Variants in ARHGEF17 observed in about 807,000 individuals in gnomAD.
ARHGEF17 encodes 164 kDa Rho-specific guanine-nucleotide exchange factor.
A neutral mutation model predicts 174.0 loss-of-function variants in ARHGEF17; 80 were observed. That is an observed-to-expected ratio of 0.46 (90% CI 0.38 to 0.55). The LOEUF is 0.55. Ranked by LOEUF, ARHGEF17 falls within the 20% of genes least tolerant of loss-of-function variation. ARHGEF17 has a pLI of 0.00. For missense variants in ARHGEF17, 2,886 were observed against 2,839.7 expected, an observed-to-expected ratio of 1.02 and a Z score of -0.37; for synonymous variants, 1,311 against 1,189.1, an observed-to-expected ratio of 1.10 and a Z score of -2.11.
chr11:73,361,974 A>G (rs1865746524), intron 12 of ARHGEF17, 66 bp from the exon 13 acceptor site: 3 of 1,564,696 alleles, frequency 1.9e-6, no homozygotes, highest in African/African-American at 1.4e-5. Context: ...GGGGTTTCCC[A>G]GGAGTGGGGA....
chr11:73,308,881 G>A lies in ARHGEF17; in HGVS notation c.243G>A (p.Ser81=). The A allele has an allele frequency of 2.2e-6, 3 of 1,357,438 alleles. No homozygotes were observed. The highest frequency in any genetic ancestry group is 2.6e-4 in the Middle Eastern group (1 of 3,790). 84.1% of individuals were successfully genotyped at this position (1,357,438 alleles called of 1,614,324 possible). Residue 81 remains serine (S), a synonymous_variant, in exon 1 of 21, where the codon TCG becomes TCA. Coordinates refer to ENST00000263674, the MANE Select transcript of ARHGEF17 (RefSeq NM_014786.4). ...GCCCGCTCCGCAGCCTCTCGCCGTC[G>A]GTTCGCCAGCTCTCCCGGCGCTTCG... The part of the protein sequence containing the change: ...QPRPLRSLSP[S]VRQLSRRFDA...
intron 18 of ARHGEF17, 67 bp downstream of exon 18, chr11:73,364,667 G>T (rs1865807148): frequency 3.2e-6 from 5 of 1,543,760 alleles, no homozygotes; most frequent in Middle Eastern, 2.3e-4. Context: ...CAGGGAGATG[G>T]AGACCATGGT....
At chr11:73,336,467 T>C (rs1865288594) in intron 1 of ARHGEF17, among the ~76,000 whole-genome samples, 1 of 151,980 alleles carries the variant, frequency 6.6e-6, no homozygotes, top group Non-Finnish European at 1.5e-5. Context: ...ACCAGCAAGG[T>C]TCAGCAGTTA....
intron 3 of ARHGEF17, among the ~76,000 whole-genome samples, chr11:73,354,231 T>G (rs1326886253): frequency 2.0e-5 from 3 of 152,182 alleles, no homozygotes; most frequent in African/African-American, 7.2e-5. Context: ...ACTCTCAGTG[T>G]CAGTAAGCTC....
At position 73,357,913 on chromosome 11, in the gene ARHGEF17, T is replaced by C. The variant is rs1355082404; in HGVS notation, c.4087+586T>C. On this transcript the variant is annotated intron_variant, in intron 9 of 20. Transcript: ENST00000263674. ...GATCAGACCCAGGCTGGCTCCTGGC[T>C]CAGCTGGAGGGGAGCTCACCTGGAG... Among the ~76,000 whole-genome samples the C allele has an allele frequency of 2.6e-5, 4 of 152,232 alleles. No individual in the cohort carries two copies. In the East Asian group the frequency reaches 7.7e-4, roughly 29 times the overall value.
chr11:73,321,989 GA>G (rs1046246442), intron 1 of ARHGEF17, among the ~76,000 whole-genome samples: 62 of 152,312 alleles, frequency 4.1e-4, no homozygotes, highest in Admixed American at 3.3e-4. Context: ...CGGGGAGGCA[GA>G]GTTCCTGGCT....
rs776221644 is a variant in ARHGEF17, at chr11:73,363,255, A to C, written c.5046A>C (p.Ser1682=). The change falls in exon 15 of 21, where the codon TCA becomes TCC. Residue 1682 remains serine, a synonymous_variant. Transcript: ENST00000263674. ...SKEATAETTS[S]EEEQEPGFLP... ...AGGCCACGGCAGAGACCACCAGCTC[A>C]GAGGAGGAGCAGGAGCCAGGCTTCC... is the stretch of plus-strand genomic sequence containing the variant. 5 of 1,607,638 alleles carry C rather than the reference A, an allele frequency of 3.1e-6. No homozygotes were observed. Among genetic ancestry groups the C allele is most frequent in the Non-Finnish European group, 4.3e-6 (5 of 1,176,092 alleles).
chr11:73,321,432 G>C (rs1049822384), intron 1 of ARHGEF17, among the ~76,000 whole-genome samples: 1 of 152,206 alleles, frequency 6.6e-6, no homozygotes, highest in African/African-American at 2.4e-5. Flanking sequence ...CTGTATGCCT[G>C]GTGGGCTTTG....
At chr11:73,344,161 G>A (rs1306055314) in intron 1 of ARHGEF17, among the ~76,000 whole-genome samples, 1 of 152,154 alleles carries the variant, frequency 6.6e-6, no homozygotes, top group Non-Finnish European at 1.5e-5. Flanking sequence ...CTGTGGGGAG[G>A]CTGGGTGTGA....
At chr11:73,329,359 A>ATTTTT (rs1865161040) in intron 1 of ARHGEF17, among the ~76,000 whole-genome samples, 1 of 2,700 alleles carries the variant, frequency 3.7e-4, no homozygotes, top group Non-Finnish European at 9.1e-4. Context: ...ATATATATAT[A>ATTTTT]TATATATATA....
At chr11:73,324,268 T>G (rs1232360428) in intron 1 of ARHGEF17, among the ~76,000 whole-genome samples, 1 of 152,132 alleles carries the variant, frequency 6.6e-6, no homozygotes, top group Non-Finnish European at 1.5e-5. Context: ...CAATGCTTGA[T>G]TCTGGTCGGG....
chr11:73,332,350 C>CGTGTGTGTGTGTGTGTGT (rs58725771), intron 1 of ARHGEF17, among the ~76,000 whole-genome samples: 16 of 120,748 alleles, frequency 1.3e-4, no homozygotes, highest in East Asian at 5.7e-4. Context: ...GCTTTTTCTC[C>CGTGTGTGTGTGTGTGTGT]GTGTGTGTGT....
At position 73,309,845 on chromosome 11, in the gene ARHGEF17, G is replaced by T; in HGVS notation, c.1207G>T (p.Asp403Tyr). 4 of 1,613,176 alleles carry T rather than the reference G, an allele frequency of 2.5e-6. No homozygotes were observed. Among genetic ancestry groups the T allele is most frequent in the Non-Finnish European group, 3.4e-6 (4 of 1,180,018 alleles). The change falls in exon 1 of 21, where the codon GAC (aspartate) becomes TAC (tyrosine). Residue 403 changes from aspartate to tyrosine, a missense_variant. Coordinates refer to ENST00000263674, the MANE Select transcript of ARHGEF17 (RefSeq NM_014786.4). ...CAGCACGGAGACCCTCAAGGACGAC[G>T]ACCTATGGTCTAGTAGGGGTTCTGG... ...YSSTETLKDD[D>Y]LWSSRGSGGW...
Position 73,364,466 on chromosome 11 carries a change from C to T in ARHGEF17, c.5416C>T (p.Pro1806Ser). The T allele has an allele frequency of 6.2e-7, 1 of 1,613,318 alleles. No homozygotes were observed. The highest frequency in any genetic ancestry group is 8.5e-7 in the Non-Finnish European group (1 of 1,179,920). ...CCCCACTCCAGGCCATTTCTGGGAC[C>T]CCCAGAACTTCAAATCAGTGACCTT... is the stretch of plus-strand genomic sequence containing the variant. ...YQREAGHFWD[P>S]QNFKSVTLGT... The change falls in exon 18 of 21, where the codon CCC becomes TCC. Residue 1806 changes from proline to serine, a missense_variant. By Grantham distance (74) the Pro-to-Ser change is moderately conservative. Around this residue, in one of 4 missense-constraint regions of ARHGEF17, gnomAD observed 329 missense variants for 435.2 expected, o/e 0.76. Coordinates refer to ENST00000263674, the MANE Select transcript of ARHGEF17 (RefSeq NM_014786.4).
At chr11:73,352,425 G>T (rs753918774) in intron 2 of ARHGEF17, among the ~76,000 whole-genome samples, 2 of 152,206 alleles carry the variant, frequency 1.3e-5, no homozygotes, top group Non-Finnish European at 2.9e-5. Context: ...TCAGGACAGG[G>T]ATTGTGGTCT....
intron 14 of ARHGEF17, 91 bp from the exon 15 acceptor site, chr11:73,363,115 G>A (rs149249666): frequency 0.018 from 25,342 of 1,434,326 alleles, 377 homozygotes; most frequent in Non-Finnish European, 0.018. Context: ...CTTCCGGAGG[G>A]GCATGGCCAG....
chr11:73,311,922 C>T, intron 1 of ARHGEF17, 92 bp downstream of exon 1: 1 of 1,385,834 alleles, frequency 7.2e-7, no homozygotes, highest in Non-Finnish European at 9.7e-7. Flanking sequence ...ATTCACTGGT[C>T]AGGTGCCCAG....
At chr11:73,328,207 G>A (rs758571162) in intron 1 of ARHGEF17, among the ~76,000 whole-genome samples, 1 of 152,200 alleles carries the variant, frequency 6.6e-6, no homozygotes, top group African/African-American at 2.4e-5. Flanking sequence ...GTAGGGGGAT[G>A]AGCTGAGCTC....
chr11:73,359,543 C>G (rs944620170), intron 9 of ARHGEF17, among the ~76,000 whole-genome samples: 3 of 152,232 alleles, frequency 2.0e-5, no homozygotes, highest in Admixed American at 6.5e-5. Context: ...GCCTGTGTAT[C>G]GCAGAGCCAG....
Sources: gnomAD v4.1 joint callset for allele counts (sites outside exome capture counted in the v4.1 genomes callset) on GRCh38, gnomAD v4.1.1 for gene constraint, gnomAD v4.1.1 regional missense constraint, MANE v1.5 for transcripts, NCBI Gene and HGNC (gene_info 2026-07-23, HGNC 2026-07-21) for gene names.